Variants in RHBDF1 observed in about 807,000 individuals in gnomAD.
The protein encoded by RHBDF1 is rhomboid 5 homolog 1.
A neutral mutation model predicts 98.6 loss-of-function variants in RHBDF1; 80 were observed. That is an observed-to-expected ratio of 0.81 (90% CI 0.68 to 0.98). The LOEUF is 0.98. Ranked by LOEUF, RHBDF1 falls within the 50% of genes least tolerant of loss-of-function variation. The probability of loss-of-function intolerance (pLI) is 0.00; values close to 1 mark genes in which losing one functional copy is unlikely to be tolerated. For synonymous variants in RHBDF1, 512 were observed against 486.8 expected (o/e 1.05, Z -0.68); for missense variants, 1,116 against 1,198.3 (o/e 0.93, Z 1.01).
Position 62,691 on chromosome 16 carries a change from C to A in RHBDF1, c.800G>T (p.Gly267Val), listed in dbSNP as rs777559604. 6.2e-7 allele frequency: 1 copy of A among 1,613,994 alleles called. No homozygotes were observed. Among genetic ancestry groups the A allele is most frequent in the Non-Finnish European group, 8.5e-7 (1 of 1,180,026 alleles). Reference sequence around the variant, plus strand: ...TGTGGACAGCTCTTCATGGAGGATACCTTCCTGAGCAAACACATGAGGTCA... The same window carrying A: ...TGTGGACAGCTCTTCATGGAGGATAACTTCCTGAGCAAACACATGAGGTCA... ...ELDTSFFARE[G>V]ILHEELSTYP... The change falls in exon 7 of 18, where the codon GGT (glycine) becomes GTT (valine). Residue 267 changes from glycine (G) to valine (V), a missense_variant. Coordinates refer to ENST00000262316, the MANE Select transcript of RHBDF1 (RefSeq NM_022450.5).
At chr16:60,002 G>C (rs1162660875) in intron 13 of RHBDF1, 176 bp from the exon 14 acceptor site, 3 of 1,474,678 alleles carry the variant, frequency 2.0e-6, no homozygotes, top group Non-Finnish European at 2.7e-6. Flanking sequence ...AATGTCACTT[G>C]ACCTTTCAAG....
At chr16:60,170 C>A in intron 13 of RHBDF1, 46 bp downstream of exon 13, 1 of 1,613,492 alleles carries the variant, frequency 6.2e-7, no homozygotes, top group Non-Finnish European at 8.5e-7. Context: ...CATTCTCTCC[C>A]ACATGACACG....
chr16:69,037 C>T (rs1897903814), intron 1 of RHBDF1, among the ~76,000 whole-genome samples: 1 of 152,148 alleles, frequency 6.6e-6, no homozygotes, highest in Non-Finnish European at 1.5e-5. Flanking sequence ...GCGGCTGACT[C>T]CATCACAGGG....
At chr16:71,381 C>T (rs1482488734) in intron 1 of RHBDF1, among the ~76,000 whole-genome samples, 2 of 152,194 alleles carry the variant, frequency 1.3e-5, no homozygotes, top group African/African-American at 4.8e-5. Context: ...GGGGGCTCCG[C>T]CTCAGGGACC....
At chr16:63,319 C>T (rs921365086) in intron 4 of RHBDF1, 137 bp from the exon 5 acceptor site, 19 of 753,888 alleles carry the variant, frequency 2.5e-5, no homozygotes, top group African/African-American at 2.3e-4. Flanking sequence ...ATGGCCACCA[C>T]TCCCACCCCA....
chr16:60,264 G>A lies in RHBDF1; in HGVS notation c.1674C>T (p.Pro558=). The part of the protein sequence containing the change: ...CHQDPRVCDE[P]SSEDPHEWPE... ...GCCACTCATGAGGGTCTTCGGAGGA[G>A]GGCTCATCACACACCCTGCATGAGC... The change falls in exon 13 of 18, where the codon CCC becomes CCT. Residue 558 remains proline (P), a synonymous_variant. Coordinates refer to ENST00000262316, the MANE Select transcript of RHBDF1 (RefSeq NM_022450.5). 6.2e-7 allele frequency: 1 copy of A among 1,614,068 alleles called. No homozygotes were observed. The highest frequency in any genetic ancestry group is 8.5e-7 in the Non-Finnish European group (1 of 1,180,004).
intron 3 of RHBDF1, chr16:64,003 G>A (rs1321005914): frequency 1.1e-5 from 8 of 724,910 alleles, no homozygotes; most frequent in Non-Finnish European, 2.0e-5. Context: ...GTTTCCACTA[G>A]ACCGCAGCTG....
chr16:59,719 C>T lies in RHBDF1; in HGVS notation c.1817+13G>A. ...CCCAGAGACCAGCTGCACTCGCTGG[C>T]ACGCACACGTACCTGCCCTTGGTGC... On this transcript the variant is annotated intron_variant, in intron 14 of 17. Coordinates refer to ENST00000262316, the MANE Select transcript of RHBDF1 (RefSeq NM_022450.5). 6.2e-7 allele frequency: 1 copy of T among 1,613,456 alleles called. No individual in the cohort carries two copies. Among genetic ancestry groups the T allele is most frequent in the Non-Finnish European group, 8.5e-7 (1 of 1,179,642 alleles).
At position 60,236 on chromosome 16, in the gene RHBDF1, C is replaced by G. The variant is rs761217453; in HGVS notation, c.1702G>C (p.Glu568Gln). Residue 568 changes from glutamate to glutamine, a missense_variant, in exon 13 of 18, where the codon GAA (glutamate) becomes CAA (glutamine). Physicochemically the swap from Glu to Gln is conservative, Grantham distance 29 (BLOSUM62 2). Transcript: ENST00000262316. ...PSSEDPHEWP[E>Q]DITKWPICTK... ...CTCACCGGCCACTTGGTGATGTCTT[C>G]TGGCCACTCATGAGGGTCTTCGGAG... 5.6e-6 allele frequency: 9 copies of G among 1,614,032 alleles called. No individual in the cohort carries two copies. The East Asian group carries it at 1.6e-4, about 28-fold the overall frequency.
At chr16:60,392 G>T in intron 12 of RHBDF1, 47 bp downstream of exon 12, 1 of 1,599,424 alleles carries the variant, frequency 6.3e-7, no homozygotes, top group Non-Finnish European at 8.6e-7. Context: ...CAGCCCCCGG[G>T]GAAGGTGTGG....
chr16:63,842 C>A, intron 3 of RHBDF1, 42 bp from the exon 4 acceptor site: 1 of 1,570,872 alleles, frequency 6.4e-7, no homozygotes, highest in Non-Finnish European at 8.7e-7. Flanking sequence ...CAGATCGCCC[C>A]TCCCAGGCAG....
chr16:59,512 G>A lies in RHBDF1; in HGVS notation c.1818-18C>T, dbSNP rs1468884626. ...TCTCACACCTAGAAAGGCAGGCCAG[G>A]GTTCGGAGACTGCTGCCTTGCAGAG... is the stretch of plus-strand genomic sequence containing the variant. On this transcript the variant is annotated intron_variant, in intron 14 of 17. Transcript: ENST00000262316. The A allele has an allele frequency of 6.2e-7, 1 of 1,610,374 alleles. No individual in the cohort carries two copies. Among genetic ancestry groups the A allele is most frequent in the Non-Finnish European group, 8.5e-7 (1 of 1,178,098 alleles).
intron 14 of RHBDF1, 47 bp downstream of exon 14, chr16:59,685 T>C (rs953020330): frequency 6.2e-7 from 1 of 1,605,600 alleles, no homozygotes; most frequent in South Asian, 1.1e-5. Flanking sequence ...CCTAGGGCGA[T>C]GCTCTGAGCC....
chr16:64,695 G>C lies in RHBDF1; in HGVS notation c.248+4C>G. On this transcript the variant is annotated splice_donor_region_variant and intron_variant, in intron 3 of 17. Transcript: ENST00000262316. Reference sequence around the variant, plus strand: ...CCCATGGAGCAGCTGGGCGGTGTTGGTACCTGCGGATGGTCTGTGTGATGG... The same window carrying C: ...CCCATGGAGCAGCTGGGCGGTGTTGCTACCTGCGGATGGTCTGTGTGATGG... The C allele has an allele frequency of 1.9e-6, 3 of 1,606,906 alleles. No individual in the cohort carries two copies. Among genetic ancestry groups the C allele is most frequent in the Non-Finnish European group, 2.6e-6 (3 of 1,174,938 alleles).
chr16:61,765 C>T (rs1897636029), intron 8 of RHBDF1, 33 bp downstream of exon 8: 1 of 1,612,222 alleles, frequency 6.2e-7, no homozygotes, highest in Non-Finnish European at 8.5e-7. Flanking sequence ...CGGGAGCCTC[C>T]ATCCCAACCC....
chr16:73,453 G>C (rs909115220), upstream of RHBDF1, among the ~76,000 whole-genome samples: 2 of 152,152 alleles, frequency 1.3e-5, no homozygotes, highest in Non-Finnish European at 2.9e-5. Context: ...CCCCGGGGTG[G>C]GCTCATATCC....
In RHBDF1 at chr16:72,624, G is replaced by A. The variant is rs1898008672; in HGVS notation, c.-136C>T. 1.2e-5 allele frequency: 12 copies of A among 972,314 alleles called. No individual in the cohort carries two copies. Among genetic ancestry groups the A allele is most frequent in the Non-Finnish European group, 1.5e-5 (12 of 823,560 alleles). 60.2% of individuals were successfully genotyped at this position (972,314 alleles called of 1,614,324 possible). The stretch of plus-strand genomic sequence containing the variant: ...GCCCGCCCGCCGGTCCGGCCCGCCC[G>A]GGAATGCCCTGGAGCGAGGGGCGTG... On this transcript the variant is annotated 5_prime_UTR_variant, in exon 1 of 18. Transcript: ENST00000262316.
chr16:62,091 CA>C, intron 7 of RHBDF1, 39 bp from the exon 8 acceptor site: 1 of 1,437,662 alleles, frequency 7.0e-7, no homozygotes, highest in Non-Finnish European at 9.1e-7. Flanking sequence ...CCCAGCCCCG[CA>C]AACTGCTGCA....
At chr16:61,488 G>A (rs2141848990) in intron 9 of RHBDF1, 29 bp from the exon 10 acceptor site, 1 of 1,612,218 alleles carries the variant, frequency 6.2e-7, no homozygotes, top group South Asian at 1.1e-5. Context: ...GGATCAGACG[G>A]GCCCCGACTC....
Sources: allele counts gnomAD v4.1 joint callset (sites outside exome capture counted in the v4.1 genomes callset), GRCh38; gene constraint gnomAD v4.1.1; transcripts MANE v1.5; gene names NCBI Gene and HGNC (gene_info 2026-07-23, HGNC 2026-07-21).